Variants in FMN1 observed in about 807,000 individuals in gnomAD.
The protein encoded by FMN1 is formin-1.
A neutral mutation model predicts 132.4 loss-of-function variants in FMN1; 110 were observed. The ratio of observed to expected loss-of-function variants is 0.83; its 90% CI spans 0.71 to 0.97. The LOEUF (loss-of-function observed/expected upper bound fraction) is 0.97, where lower values mean the gene tolerates loss of function less well. Among genes scored for constraint, FMN1 ranks in the 50% least tolerant of loss-of-function variants. The pLI is 0.00. For missense variants in FMN1, 1,792 were observed against 1,705.3 expected (o/e 1.05, Z -0.90); for synonymous variants, 722 against 651.7 (o/e 1.11, Z -1.64).
intron 6 of FMN1, among the ~76,000 whole-genome samples, chr15:33,027,941 C>A (rs1398734984): frequency 6.6e-6 from 1 of 152,194 alleles, no homozygotes. Context: ...CACCTGTGAT[C>A]CCGCTACAGT....
intron 19 of FMN1, among the ~76,000 whole-genome samples, chr15:32,795,364 C>T (rs58760912): frequency 0.077 from 11,731 of 152,096 alleles, 759 homozygotes; most frequent in African/African-American, 0.18. Context: ...CAATATAGTA[C>T]CTATAGCTCA....
intron 9 of FMN1, among the ~76,000 whole-genome samples, chr15:32,955,720 C>A (rs2061750374): frequency 6.6e-6 from 1 of 151,958 alleles, no homozygotes; most frequent in Non-Finnish European, 1.5e-5. Context: ...TTGTGTTTTC[C>A]AAACAGATAA....
At chr15:33,192,481 C>T (rs1159053178) in intron 2 of FMN1, among the ~76,000 whole-genome samples, 9 of 152,260 alleles carry the variant, frequency 5.9e-5, no homozygotes, top group African/African-American at 2.2e-4. Context: ...GCATTGAACA[C>T]TCAGTGAGAA....
chr15:33,080,779 C>T (rs991655611), intron 5 of FMN1, among the ~76,000 whole-genome samples: 1 of 151,804 alleles, frequency 6.6e-6, no homozygotes, highest in East Asian at 1.9e-4. Flanking sequence ...CCCAGCTACT[C>T]GGGAAGCTGA....
At chr15:33,062,286 T>C (rs1412577245) in intron 6 of FMN1, among the ~76,000 whole-genome samples, 1 of 152,222 alleles carries the variant, frequency 6.6e-6, no homozygotes, top group South Asian at 2.1e-4. Context: ...ACATCATGTA[T>C]AACTCAAATT....
chr15:32,847,965 CTA>C (rs2141246619), intron 17 of FMN1, among the ~76,000 whole-genome samples: 1 of 152,146 alleles, frequency 6.6e-6, no homozygotes, highest in Non-Finnish European at 1.5e-5. Flanking sequence ...AGATTTGGTT[CTA>C]TGTTTGTGAT....
At chr15:33,128,867 C>G (rs993046344) in intron 4 of FMN1, among the ~76,000 whole-genome samples, 2 of 152,244 alleles carry the variant, frequency 1.3e-5, no homozygotes, top group African/African-American at 4.8e-5. Flanking sequence ...CTGCAGAGGC[C>G]TGCGTGCGTG....
At chr15:33,190,657 G>A (rs577933467) in intron 2 of FMN1, among the ~76,000 whole-genome samples, 2 of 152,244 alleles carry the variant, frequency 1.3e-5, no homozygotes, top group African/African-American at 4.8e-5. Flanking sequence ...TCTTCAGATC[G>A]TATCATGTTC....
At chr15:32,917,134 G>GC (rs1445819764) in intron 10 of FMN1, among the ~76,000 whole-genome samples, 2 of 152,156 alleles carry the variant, frequency 1.3e-5, no homozygotes, top group African/African-American at 4.8e-5. Flanking sequence ...GAAAAAAACT[G>GC]CAAGAAGTGG....
intron 10 of FMN1, among the ~76,000 whole-genome samples, chr15:32,914,347 G>A (rs1280280968): frequency 6.6e-6 from 1 of 152,112 alleles, no homozygotes; most frequent in African/African-American, 2.4e-5. Flanking sequence ...GCCAGTGAAC[G>A]TAAACTGGAA....
chr15:33,049,119 T>C (rs189596971), intron 6 of FMN1, among the ~76,000 whole-genome samples: 256 of 152,348 alleles, frequency 1.7e-3, no homozygotes, highest in Non-Finnish European at 2.9e-3. Context: ...TGTGAACCTA[T>C]TGGCCAGTTA....
chr15:33,118,095 G>A (rs1203400308), intron 4 of FMN1, among the ~76,000 whole-genome samples: 1 of 152,144 alleles, frequency 6.6e-6, no homozygotes, highest in Admixed American at 6.5e-5. Flanking sequence ...TGAATTCTGA[G>A]AAAATGTAAA....
At chr15:33,193,661 G>A (rs1351221855) in intron 2 of FMN1, among the ~76,000 whole-genome samples, 6 of 152,072 alleles carry the variant, frequency 3.9e-5, no homozygotes, top group African/African-American at 1.4e-4. Context: ...CAGCCCATTC[G>A]GAGTGTGTGA....
rs188827865 is a variant in FMN1 at position 32,969,607 on chromosome 15, C to T, written c.2224-130G>A. ...ACATAAATGCAGGGAAATACAGAGA[C>T]ATTCTTTTAAGAATCCATAAAGGTG... On this transcript the variant is annotated intron_variant, in intron 7 of 20. Transcript: ENST00000616417. 2.8e-5 allele frequency: 30 copies of T among 1,082,400 alleles called. No homozygotes were observed. In the African/African-American group the frequency reaches 4.6e-4, roughly 17 times the overall value. The allele number at this position is 1,082,400 out of a possible 1,614,324, so 67.0% of individuals were successfully genotyped here.
chr15:33,033,787 C>G (rs962310741), intron 6 of FMN1, among the ~76,000 whole-genome samples: 2 of 152,076 alleles, frequency 1.3e-5, no homozygotes, highest in Admixed American at 6.5e-5. Flanking sequence ...ACCTCCAATA[C>G]TCTTTCATTG....
intron 4 of FMN1, among the ~76,000 whole-genome samples, chr15:33,129,824 G>T (rs1184543715): frequency 8.3e-5 from 11 of 132,054 alleles, no homozygotes; most frequent in African/African-American, 3.2e-4. Flanking sequence ...ACAGAGTCTC[G>T]TTCTGTCGCC....
chr15:32,845,849 G>C (rs1477575743), intron 17 of FMN1, among the ~76,000 whole-genome samples: 3 of 151,860 alleles, frequency 2.0e-5, no homozygotes, highest in Non-Finnish European at 4.4e-5. Context: ...GTAACACATT[G>C]TATTTATTAA....
chr15:32,935,830 G>C (rs144705354), intron 9 of FMN1, among the ~76,000 whole-genome samples: 1 of 152,044 alleles, frequency 6.6e-6, no homozygotes, highest in Admixed American at 6.6e-5. Flanking sequence ...GTTTCACCAC[G>C]TTGGGCATGC....
chr15:33,037,640 G>A (rs1372672604), intron 6 of FMN1, among the ~76,000 whole-genome samples: 4 of 152,210 alleles, frequency 2.6e-5, no homozygotes, highest in African/African-American at 9.6e-5. Flanking sequence ...GTAGAAAGGA[G>A]CCAGCCACTT....
Sources: allele counts gnomAD v4.1 joint callset (sites outside exome capture counted in the v4.1 genomes callset), GRCh38; gene constraint gnomAD v4.1.1; transcripts MANE v1.5; gene names NCBI Gene and HGNC (gene_info 2026-07-23, HGNC 2026-07-21).